Variants in USP19 observed in about 807,000 individuals in gnomAD.
USP19 encodes the protein ubiquitin carboxyl-terminal hydrolase 19.
A neutral mutation model predicts 144.8 loss-of-function variants in USP19; 40 were observed. The observed-to-expected ratio is 0.28, with a 90% CI of 0.21 to 0.36. The LOEUF (loss-of-function observed/expected upper bound fraction) is 0.36. Ranked by LOEUF, USP19 falls within the 10% of genes least tolerant of loss-of-function variation. USP19 has a pLI of 1.00. For synonymous variants in USP19, 701 were observed against 709.3 expected, an observed-to-expected ratio of 0.99 and a Z score of 0.19; for missense variants, 1,518 against 1,822.5, an observed-to-expected ratio of 0.83 and a Z score of 3.04.
Position 49,115,859 on chromosome 3 carries a change from CA to C in USP19, c.1556del (p.Leu519ArgfsTer24). The C allele has an allele frequency of 6.2e-7, 1 of 1,606,544 alleles. No homozygotes were observed. Among genetic ancestry groups the C allele is most frequent in the African/African-American group, 1.3e-5 (1 of 74,686 alleles). On this transcript the variant is annotated frameshift_variant, in exon 11 of 27. Transcript: ENST00000417901. LOFTEE classifies it high-confidence loss of function. This position sits in a 1 kb window ranked among gnomAD's most constrained non-coding sequence, Gnocchi z 6.6. The stretch of plus-strand genomic sequence containing the variant: ...CAGCCCGGGCCTCCTCCTGGCCTGT[CA>C]GGGGGTGGGGAGCACCTCCTGGTGG... ...STPPGGAPHP[L>X]TGQEEARAVE... is the part of the protein sequence containing the mutation.
chr3:49,114,067 G>A lies in USP19; in HGVS notation c.2430C>T (p.Asn810=). 1 of 1,614,232 alleles carries A rather than the reference G, an allele frequency of 6.2e-7. No individual in the cohort carries two copies. Among genetic ancestry groups the A allele is most frequent in the Non-Finnish European group, 8.5e-7 (1 of 1,180,048 alleles). Residue 810 remains asparagine (N), a synonymous_variant, in exon 17 of 27, where the codon AAC becomes AAT. Transcript: ENST00000417901. This position sits in a 1 kb window ranked among gnomAD's most constrained non-coding sequence, Gnocchi z 4.5. ...IKFLVSVSKE[N]STASEVLDSL... is the part of the protein sequence containing the mutation. ...AGTCCAATACTTCGCTCGCAGTGGA[G>A]TTCTCCTTGCTGACGCTCACCAGGA...
In USP19 at chr3:49,112,552, G is replaced by C. The variant is rs970359154; in HGVS notation, c.2583C>G (p.Leu861=). Residue 861 remains leucine, a synonymous_variant, in exon 18 of 27, where the codon CTC becomes CTG. Coordinates refer to ENST00000417901, the MANE Select transcript of USP19 (RefSeq NM_001199161.2). This position sits in a 1 kb window ranked among gnomAD's most constrained non-coding sequence, Gnocchi z 4.9. The part of the protein sequence containing the change: ...LDTVSPSDTL[L]CFELLSSELA... ...ACTCTGAGGATAGCAGCTCAAAGCA[G>C]AGGAGCGTATCAGATGGGGACACAG... The C allele has an allele frequency of 5.0e-6, 8 of 1,614,152 alleles. No homozygotes were observed. The highest frequency in any genetic ancestry group is 6.8e-6 in the Non-Finnish European group (8 of 1,180,002).
chr3:49,109,274 G>A, intron 26 of USP19: 2 of 1,412,616 alleles, frequency 1.4e-6, no homozygotes, highest in Non-Finnish European at 1.9e-6. Context: ...TCCCACCTGG[G>A]GTGACTGGGG....
In USP19 at chr3:49,112,005, G is replaced by T. The variant is rs766319483; in HGVS notation, c.2809C>A (p.Arg937=). The change falls in exon 20 of 27, where the codon CGA becomes AGA. Residue 937 remains arginine, a synonymous_variant. Coordinates refer to ENST00000417901, the MANE Select transcript of USP19 (RefSeq NM_001199161.2). This position sits in a 1 kb window ranked among gnomAD's most constrained non-coding sequence, Gnocchi z 4.9. ...AAGGGGTAGCCAATGTTCTCAGGTC[G>T]GCAGAGGCCCTTGTGGTCAGGCCAG... ...THWPDHKGLC[R]PENIGYPFLV... 6 of 1,614,074 alleles carry T rather than the reference G, an allele frequency of 3.7e-6. No homozygotes were observed. Among genetic ancestry groups the T allele is most frequent in the Non-Finnish European group, 5.1e-6 (6 of 1,180,016 alleles).
Position 49,117,239 on chromosome 3 carries a change from C to T in USP19, c.729G>A (p.Arg243=), listed in dbSNP as rs985322141. 1.3e-6 allele frequency: 2 copies of T among 1,553,568 alleles called. No individual in the cohort carries two copies. The highest frequency in any genetic ancestry group is 1.7e-6 in the Non-Finnish European group (2 of 1,150,000). ...PEPHRAKQEA[R]NQKRAQGRGE... Reference sequence around the variant, plus strand: ...CACGGCCCTGGGCCCGCTTCTGGTTCCGGGCCTCCTGCTTAGCCCGGTGGG... The same window carrying T: ...CACGGCCCTGGGCCCGCTTCTGGTTTCGGGCCTCCTGCTTAGCCCGGTGGG... The change falls in exon 6 of 27, where the codon CGG becomes CGA. Residue 243 remains arginine, a synonymous_variant. Coordinates refer to ENST00000417901, the MANE Select transcript of USP19 (RefSeq NM_001199161.2). This position sits in a 1 kb window ranked among gnomAD's most constrained non-coding sequence, Gnocchi z 4.4.
rs773159462 is a variant in USP19 at position 49,115,702 on chromosome 3, C to T, written c.1692+22G>A. 5 of 1,607,216 alleles carry T rather than the reference C, an allele frequency of 3.1e-6. No individual in the cohort carries two copies. The highest frequency in any genetic ancestry group is 1.1e-5 in the South Asian group (1 of 90,724). On this transcript the variant is annotated intron_variant, in intron 11 of 26. Coordinates refer to ENST00000417901, the MANE Select transcript of USP19 (RefSeq NM_001199161.2). This position sits in a 1 kb window ranked among gnomAD's most constrained non-coding sequence, Gnocchi z 6.6. ...GACTCTCCAGCCTCCATTCTTCGTC[C>T]TTCCCACCCCAGAATTCTCACCGAG... is the stretch of plus-strand genomic sequence containing the variant.
rs2043790204 is a variant in USP19 at position 49,114,702 on chromosome 3, T to A, written c.2292+61A>T. ...CTTAAGATGCACATGCCTCTGAACC[T>A]AATGTGACCAGAATAGCTGAGCTGA... On this transcript the variant is annotated intron_variant, in intron 15 of 26. Coordinates refer to ENST00000417901, the MANE Select transcript of USP19 (RefSeq NM_001199161.2). The surrounding 1 kb of genome is among the most constrained non-coding windows in gnomAD (Gnocchi z 4.5). 2 of 1,568,712 alleles carry A rather than the reference T, an allele frequency of 1.3e-6. No individual in the cohort carries two copies. Among genetic ancestry groups the A allele is most frequent in the South Asian group, 2.2e-5 (2 of 89,716 alleles).
Position 49,112,555 on chromosome 3 carries a change from G to A in USP19, c.2580C>T (p.Leu860=), listed in dbSNP as rs2043338145. 3 of 1,614,018 alleles carry A rather than the reference G, an allele frequency of 1.9e-6. No homozygotes were observed. The highest frequency in any genetic ancestry group is 2.7e-5 in the African/African-American group (2 of 74,916). Reference sequence around the variant, plus strand: ...CTGAGGATAGCAGCTCAAAGCAGAGGAGCGTATCAGATGGGGACACAGTGT... The same window carrying A: ...CTGAGGATAGCAGCTCAAAGCAGAGAAGCGTATCAGATGGGGACACAGTGT... ...SLDTVSPSDT[L]LCFELLSSEL... is the part of the protein sequence containing the mutation. The change falls in exon 18 of 27, where the codon CTC becomes CTT. Residue 860 remains leucine, a synonymous_variant. Transcript: ENST00000417901. The surrounding 1 kb of genome is among the most constrained non-coding windows in gnomAD (Gnocchi z 4.9).
Position 49,116,909 on chromosome 3 carries a change from A to G in USP19, c.944T>C (p.Leu315Pro), listed in dbSNP as rs199572044. The G allele has an allele frequency of 2.9e-5, 47 of 1,614,072 alleles. No homozygotes were observed. In the East Asian group the frequency reaches 1.0e-3, roughly 36 times the overall value. The change falls in exon 7 of 27, where the codon CTG (leucine) becomes CCG (proline). Residue 315 changes from leucine (L) to proline (P), a missense_variant. Physicochemically the swap from Leu to Pro is moderately conservative, Grantham distance 98. Transcript: ENST00000417901. This position sits in a 1 kb window ranked among gnomAD's most constrained non-coding sequence, Gnocchi z 5.0. ...EADEQLCIPP[L>P]NSQTCLLGSE... is the part of the protein sequence containing the mutation. ...GCCCAGGAGGCAGGTTTGGGAGTTC[A>G]GCGGTGGTATGCAAAGCTGTTCATC...
intron 2 of USP19, among the ~76,000 whole-genome samples, chr3:49,118,609 G>A (rs368030382): frequency 2.6e-5 from 4 of 151,302 alleles, no homozygotes; most frequent in South Asian, 2.1e-4. Flanking sequence ...TTAGCCTTGC[G>A]TGGTGGCATG....
rs756192802 is a variant in USP19, at chr3:49,111,781, T to C, written c.2936A>G (p.Gln979Arg). The change falls in exon 21 of 27, where the codon CAG becomes CGG. Residue 979 changes from glutamine (Q) to arginine (R), a missense_variant. Coordinates refer to ENST00000417901, the MANE Select transcript of USP19 (RefSeq NM_001199161.2). The surrounding 1 kb of genome is among the most constrained non-coding windows in gnomAD (Gnocchi z 5.9). Reference protein sequence around the residue: ...YSVSVFQPPFQPGRMALESQS... With the variant: ...YSVSVFQPPFRPGRMALESQS... ...AGACTCCAAGGCCATGCGGCCTGGCTGAAAGGGTGGCTGGAATACACTCAC... is the reference window on the plus strand; with the variant it reads ...AGACTCCAAGGCCATGCGGCCTGGCCGAAAGGGTGGCTGGAATACACTCAC... 26 of 1,556,044 alleles carry C rather than the reference T, an allele frequency of 1.7e-5. 1 individual carries two copies. The highest frequency in any genetic ancestry group is 1.7e-6 in the Non-Finnish European group (2 of 1,149,464).
At position 49,108,773 on chromosome 3, in the gene USP19, G is replaced by C; in HGVS notation, c.4039-245C>G. On this transcript the variant is annotated intron_variant, in intron 26 of 26. Transcript: ENST00000417901. This position sits in a 1 kb window ranked among gnomAD's most constrained non-coding sequence, Gnocchi z 4.8. The stretch of plus-strand genomic sequence containing the variant: ...AAGGGTCAGAGCAGCAGGATGAATG[G>C]ACAGACAGCCAGATGGATACACACC... 2.8e-6 allele frequency: 4 copies of C among 1,409,126 alleles called. No homozygotes were observed. The highest frequency in any genetic ancestry group is 3.7e-6 in the Non-Finnish European group (4 of 1,085,886). The allele number at this position is 1,409,126 out of a possible 1,614,324, so 87.3% of individuals were successfully genotyped here.
Position 49,119,179 on chromosome 3 carries a change from G to T in USP19, c.-34C>A. 1 of 1,599,998 alleles carries T rather than the reference G, an allele frequency of 6.3e-7. No homozygotes were observed. On this transcript the variant is annotated 5_prime_UTR_variant, in exon 2 of 27. Coordinates refer to ENST00000417901, the MANE Select transcript of USP19 (RefSeq NM_001199161.2). ...GCTTGGTCGACAGCCAGAGTGCCCCGGGGTCGGCAACAGCGTCTGGGTCAG... is the reference window on the plus strand; with the variant it reads ...GCTTGGTCGACAGCCAGAGTGCCCCTGGGTCGGCAACAGCGTCTGGGTCAG...
At position 49,108,930 on chromosome 3, in the gene USP19, A is replaced by G. The variant is rs767664430; in HGVS notation, c.4039-402T>C. ...ATGGCCTGGGGCAGGCAGGTAGGCC[A>G]GCTCACAGCAGCTGCCTGCAGGCGA... On this transcript the variant is annotated intron_variant, in intron 26 of 26. Coordinates refer to ENST00000417901, the MANE Select transcript of USP19 (RefSeq NM_001199161.2). The surrounding 1 kb of genome is among the most constrained non-coding windows in gnomAD (Gnocchi z 4.8). The G allele has an allele frequency of 1.9e-6, 3 of 1,589,864 alleles. No homozygotes were observed. The highest frequency in any genetic ancestry group is 2.7e-5 in the African/African-American group (2 of 74,492).
chr3:49,117,507 G>A lies in USP19; in HGVS notation c.536C>T (p.Thr179Ile), dbSNP rs759100423. 4 of 1,614,124 alleles carry A rather than the reference G, an allele frequency of 2.5e-6. No individual in the cohort carries two copies. Among genetic ancestry groups the A allele is most frequent in the Non-Finnish European group, 3.4e-6 (4 of 1,180,044 alleles). Reference sequence around the variant, plus strand: ...CAGGTGCAGGAGACTGCCCTTGCGGGTTTGCACTTTAGCACAAGAGCTTTT... The same window carrying A: ...CAGGTGCAGGAGACTGCCCTTGCGGATTTGCACTTTAGCACAAGAGCTTTT... ...EIKSSCAKVQ[T>I]RKGSLLHLTL... Residue 179 changes from threonine (T) to isoleucine (I), a missense_variant, in exon 5 of 27, where the codon ACC becomes ATC. Physicochemically the swap from Thr to Ile is moderately conservative, Grantham distance 89. Around this residue, in one of 5 missense-constraint regions of USP19, gnomAD observed 707 missense variants for 728.9 expected, o/e 0.97. Transcript: ENST00000417901. The surrounding 1 kb of genome is among the most constrained non-coding windows in gnomAD (Gnocchi z 4.4).
chr3:49,120,582 G>A (rs1351749873), intron 1 of USP19, 174 bp downstream of exon 1: 1 of 152,624 alleles, frequency 6.6e-6, no homozygotes, highest in Non-Finnish European at 1.5e-5. Context: ...TCCCAGGTGG[G>A]AGGCTGGCCA....
At position 49,118,114 on chromosome 3, in the gene USP19, C is replaced by G. The variant is rs778360915; in HGVS notation, c.131G>C (p.Gly44Ala). 1 of 1,282,374 alleles carries G rather than the reference C, an allele frequency of 7.8e-7. No individual in the cohort carries two copies. Among genetic ancestry groups the G allele is most frequent in the Non-Finnish European group, 1.1e-6 (1 of 921,534 alleles). 79.4% of individuals were successfully genotyped at this position (1,282,374 alleles called of 1,614,324 possible). Reference sequence around the variant, plus strand: ...ACCAGCCTGGGCAACATATCGAGACCCTGTCTCTAAAAAAAAAATAAGAAA... The same window carrying G: ...ACCAGCCTGGGCAACATATCGAGACGCTGTCTCTAAAAAAAAAATAAGAAA... Reference protein sequence around the residue: ...SKDGDPRKETGSRYVAQAGLE... With the variant: ...SKDGDPRKETASRYVAQAGLE... The change falls in exon 3 of 27, where the codon GGG becomes GCG. Residue 44 changes from glycine (G) to alanine (A), a missense_variant. Transcript: ENST00000417901.
rs371349872 is a variant in USP19, at chr3:49,114,037, G to A, written c.2460C>T (p.Leu820=). The A allele has an allele frequency of 5.8e-5, 93 of 1,614,248 alleles. No homozygotes were observed. In the East Asian group the frequency reaches 1.1e-3, roughly 20 times the overall value. ...CAGGCTTCACATGAACACTCTGAGA[G>A]AGGGAGTCCAATACTTCGCTCGCAG... is the stretch of plus-strand genomic sequence containing the variant. ...NSTASEVLDS[L]SQSVHVKPEN... Residue 820 remains leucine, a synonymous_variant, in exon 17 of 27, where the codon CTC becomes CTT. Transcript: ENST00000417901. The surrounding 1 kb of genome is among the most constrained non-coding windows in gnomAD (Gnocchi z 4.5).
At position 49,116,417 on chromosome 3, in the gene USP19, G is replaced by A; in HGVS notation, c.1283+34C>T. The A allele has an allele frequency of 6.2e-7, 1 of 1,614,006 alleles. No homozygotes were observed. The highest frequency in any genetic ancestry group is 8.5e-7 in the Non-Finnish European group (1 of 1,179,890). ...GAGCATGAGACATACTGTCCCACCT[G>A]AGGCATTGTTTGCCCCATCATCTAC... On this transcript the variant is annotated intron_variant, in intron 8 of 26. Transcript: ENST00000417901. This position sits in a 1 kb window ranked among gnomAD's most constrained non-coding sequence, Gnocchi z 5.0.
Sources: allele counts gnomAD v4.1 joint callset (sites outside exome capture counted in the v4.1 genomes callset), GRCh38; gene constraint gnomAD v4.1.1; regional missense constraint gnomAD v4.1.1; non-coding constraint Gnocchi (gnomAD v3.1); transcripts MANE v1.5; gene names NCBI Gene and HGNC (gene_info 2026-07-23, HGNC 2026-07-21).